PRKG1: variants seen among roughly 807,000 people sequenced by gnomAD.
PRKG1 encodes the protein cGMP-dependent protein kinase 1.
Under a neutral mutation model 88.1 loss-of-function variants are expected in PRKG1, and 35 were observed. That is an observed-to-expected ratio of 0.40 (90% CI 0.30 to 0.53). The LOEUF is 0.53. PRKG1 is among the 20% of genes least tolerant of loss of function. The pLI, the probability that PRKG1 is intolerant of heterozygous loss-of-function variation, is 0.59. For missense variants in PRKG1, 540 were observed against 839.8 expected, an observed-to-expected ratio of 0.64 and a Z score of 4.41; for synonymous variants, 303 against 292.5, an observed-to-expected ratio of 1.04 and a Z score of -0.37.
At chr10:51,721,091 T>C (rs1209502194) in intron 3 of PRKG1, among the ~76,000 whole-genome samples, 1 of 151,738 alleles carries the variant, frequency 6.6e-6, no homozygotes, top group Non-Finnish European at 1.5e-5. Flanking sequence ...TGTGTGCCTG[T>C]AGTCCCGGCT....
At chr10:51,610,114 G>A (rs140051026) in intron 3 of PRKG1, among the ~76,000 whole-genome samples, 1 of 152,214 alleles carries the variant, frequency 6.6e-6, no homozygotes, top group African/African-American at 2.4e-5. Context: ...TATCACATGA[G>A]CATCATTTGT....
At chr10:51,086,223 T>A (rs1218558634) in intron 1 of PRKG1, among the ~76,000 whole-genome samples, 1 of 152,232 alleles carries the variant, frequency 6.6e-6, no homozygotes, top group Non-Finnish European at 1.5e-5. Context: ...TTATCTTTTT[T>A]AACTTCTTGA....
intron 2 of PRKG1, among the ~76,000 whole-genome samples, chr10:51,205,680 CGCT>C (rs1838041388): frequency 6.6e-6 from 1 of 151,550 alleles, no homozygotes; most frequent in Non-Finnish European, 1.5e-5. Context: ...GGACTAGAGG[CGCT>C]GCCACCACAC....
intron 8 of PRKG1, among the ~76,000 whole-genome samples, chr10:52,157,827 T>C (rs1838166789): frequency 6.6e-6 from 1 of 151,524 alleles, no homozygotes; most frequent in East Asian, 1.9e-4. Context: ...TTTCTTTTCC[T>C]TCCCCACCTG....
At chr10:51,961,355 C>T (rs1843443703) in intron 5 of PRKG1, among the ~76,000 whole-genome samples, 3 of 151,786 alleles carry the variant, frequency 2.0e-5, no homozygotes, top group South Asian at 4.2e-4. Flanking sequence ...AATGAGGAAC[C>T]TGCAGATGTG....
intron 5 of PRKG1, among the ~76,000 whole-genome samples, chr10:52,031,510 T>A (rs1057128893): frequency 1.3e-5 from 2 of 152,194 alleles, no homozygotes; most frequent in African/African-American, 4.8e-5. Flanking sequence ...AATTGTAGAG[T>A]ATTTGTTAGC....
Position 52,210,474 on chromosome 10 carries a change from A to G in PRKG1, c.1077-41096A>G, listed in dbSNP as rs1460994620. Among the ~76,000 whole-genome samples, 2 of 152,080 alleles carry G rather than the reference A, an allele frequency of 1.3e-5. 1 individual carries two copies. The highest frequency in any genetic ancestry group is 2.9e-5 in the Non-Finnish European group (2 of 68,020). ...TTTCCACAAACTCACACCCTATGCA[A>G]TCATAGAATTCTGCTCGTTTCTTTT... On this transcript the variant is annotated intron_variant, in intron 9 of 17. Coordinates refer to ENST00000373980, the MANE Select transcript of PRKG1 (RefSeq NM_006258.4).
At chr10:51,997,622 C>CATT (rs1372427265) in intron 5 of PRKG1, among the ~76,000 whole-genome samples, 5 of 151,916 alleles carry the variant, frequency 3.3e-5, no homozygotes, top group African/African-American at 1.2e-4. Context: ...ATAATACATA[C>CATT]ATTAGTTAGC....
chr10:51,525,431 G>T (rs1841855425), intron 3 of PRKG1, among the ~76,000 whole-genome samples: 1 of 152,210 alleles, frequency 6.6e-6, no homozygotes, highest in African/African-American at 2.4e-5. Context: ...GGGTGCAGTG[G>T]CTCACGCCTG....
chr10:52,159,917 C>A (rs1019156743), intron 8 of PRKG1, among the ~76,000 whole-genome samples: 5 of 151,740 alleles, frequency 3.3e-5, no homozygotes, highest in African/African-American at 9.7e-5. Context: ...TTATTTGATT[C>A]TTCTCTTTCA....
intron 2 of PRKG1, among the ~76,000 whole-genome samples, chr10:51,372,763 T>C (rs747175293): frequency 2.0e-5 from 3 of 152,192 alleles, no homozygotes; most frequent in Non-Finnish European, 1.5e-5. Flanking sequence ...TATCAAATAC[T>C]CTTCCTGCAT....
At chr10:51,065,651 T>C (rs1843740686) in intron 1 of PRKG1, among the ~76,000 whole-genome samples, 1 of 152,132 alleles carries the variant, frequency 6.6e-6, no homozygotes, top group Non-Finnish European at 1.5e-5. Flanking sequence ...TTCTTTTCCA[T>C]CAGAGAGGTG....
chr10:51,284,420 C>G (rs1278329148), intron 2 of PRKG1, among the ~76,000 whole-genome samples: 1 of 152,082 alleles, frequency 6.6e-6, no homozygotes, highest in African/African-American at 2.4e-5. Flanking sequence ...TTGACATGGC[C>G]CAAGCTAAAA....
At chr10:51,175,181 G>A (rs1449362795) in intron 2 of PRKG1, among the ~76,000 whole-genome samples, 1 of 286 alleles carries the variant, frequency 3.5e-3, no homozygotes, top group Non-Finnish European at 7.2e-3. Flanking sequence ...TAGTCAGTAT[G>A]TGTTCCTTAG....
intron 5 of PRKG1, among the ~76,000 whole-genome samples, chr10:51,937,591 T>C (rs1264047696): frequency 6.6e-6 from 1 of 152,136 alleles, no homozygotes; most frequent in Non-Finnish European, 1.5e-5. Context: ...CTGAACTGCC[T>C]GTTTATTTAC....
chr10:51,456,124 CATG>C (rs1839577777), intron 2 of PRKG1, among the ~76,000 whole-genome samples: 1 of 152,174 alleles, frequency 6.6e-6, no homozygotes, highest in Non-Finnish European at 1.5e-5. Flanking sequence ...TCGCATCTCA[CATG>C]GTGGTGGACA....
chr10:51,677,652 A>T (rs1053637249), intron 3 of PRKG1, among the ~76,000 whole-genome samples: 1 of 152,334 alleles, frequency 6.6e-6, no homozygotes, highest in African/African-American at 2.4e-5. Context: ...TAATTCTCCC[A>T]GCTTCTAGCT....
intron 3 of PRKG1, among the ~76,000 whole-genome samples, chr10:51,678,860 C>G (rs928163689): frequency 1.3e-4 from 20 of 152,162 alleles, no homozygotes; most frequent in African/African-American, 3.9e-4. Context: ...ACCCCAGGGG[C>G]TTCAGGGTGA....
At chr10:51,807,091 A>G (rs953288298) in intron 4 of PRKG1, among the ~76,000 whole-genome samples, 1 of 152,200 alleles carries the variant, frequency 6.6e-6, no homozygotes, top group African/African-American at 2.4e-5. Context: ...CTTCTAGACT[A>G]TAAGCTGTTT....
Sources: gnomAD v4.1 joint callset for allele counts (sites outside exome capture counted in the v4.1 genomes callset) on GRCh38, gnomAD v4.1.1 for gene constraint, MANE v1.5 for transcripts, NCBI Gene and HGNC (gene_info 2026-07-23, HGNC 2026-07-21) for gene names.